Variants in GPR155 observed in about 807,000 individuals in gnomAD.
The protein encoded by GPR155 is lysosomal cholesterol signaling protein.
Under a neutral mutation model 93.1 loss-of-function variants are expected in GPR155, and 65 were observed. That is an observed-to-expected ratio of 0.70 (90% CI 0.57 to 0.86). GPR155 has a LOEUF of 0.86. Among genes scored for constraint, GPR155 ranks in the 40% least tolerant of loss-of-function variants. GPR155 has a pLI of 0.00. For missense variants in GPR155, 838 were observed against 1,034.8 expected, an observed-to-expected ratio of 0.81 and a Z score of 2.61; for synonymous variants, 319 against 360.1, an observed-to-expected ratio of 0.89 and a Z score of 1.29.
intron 3 of GPR155, 147 bp downstream of exon 3, chr2:174,472,818 A>G: frequency 1.6e-6 from 1 of 610,926 alleles, no homozygotes; most frequent in Non-Finnish European, 2.8e-6. Context: ...ACAATACACC[A>G]TCACATTTTC....
intron 7 of GPR155, 145 bp downstream of exon 7, chr2:174,465,640 G>T: frequency 1.9e-6 from 1 of 514,732 alleles, no homozygotes; most frequent in Non-Finnish European, 3.6e-6. Flanking sequence ...CTTTGCCGAT[G>T]GCCTCTGTGG....
intron 2 of GPR155, among the ~76,000 whole-genome samples, chr2:174,479,057 A>AT (rs2105737432): frequency 6.6e-6 from 1 of 152,316 alleles, no homozygotes; most frequent in South Asian, 2.1e-4. Context: ...TGTTATTGTG[A>AT]TTTAAAAAAA....
At chr2:174,481,359 C>G (rs1182578269) in intron 2 of GPR155, 138 bp downstream of exon 2, 6 of 577,300 alleles carry the variant, frequency 1.0e-5, no homozygotes, top group Non-Finnish European at 1.8e-5. Flanking sequence ...TTAGGAAAAA[C>G]TATGATTCAT....
At chr2:174,464,115 C>T (rs1002009252) in intron 7 of GPR155, among the ~76,000 whole-genome samples, 2 of 152,208 alleles carry the variant, frequency 1.3e-5, no homozygotes, top group Non-Finnish European at 1.5e-5. Context: ...CCCTGGATGT[C>T]TCACTGAAGC....
intron 15 of GPR155, 64 bp from the exon 16 acceptor site, chr2:174,436,480 G>A: frequency 7.0e-7 from 1 of 1,430,108 alleles, no homozygotes; most frequent in Non-Finnish European, 9.6e-7. Flanking sequence ...GCATGATAGA[G>A]GACAAGCAAG....
rs1686655692 is a variant in GPR155, at chr2:174,431,978, T to C, written c.*4138A>G. The C allele has an allele frequency of 6.6e-6, 1 of 152,230 alleles. No individual in the cohort carries two copies. Among genetic ancestry groups the C allele is most frequent in the Non-Finnish European group, 1.5e-5 (1 of 68,038 alleles). 9.4% of individuals were successfully genotyped at this position (152,230 alleles called of 1,614,324 possible). A position where few individuals can be genotyped will look rare whatever the true frequency, so the allele number is the denominator to read the frequency against. On this transcript the variant is annotated 3_prime_UTR_variant, in exon 16 of 16. Transcript: ENST00000392552. The stretch of plus-strand genomic sequence containing the variant: ...ATGCTGAAGAAAAAGAGATAGGTTT[T>C]AATCAAAATTTTATCATTTTTCTAG...
chr2:174,479,874 GT>G (rs1373521584), intron 2 of GPR155, among the ~76,000 whole-genome samples: 3 of 152,022 alleles, frequency 2.0e-5, no homozygotes, highest in African/African-American at 7.3e-5. Flanking sequence ...CACCTATCTA[GT>G]TTCTGACTAT....
In GPR155 at chr2:174,441,346, C is replaced by G. The variant is rs753928724; in HGVS notation, c.2174+773G>C. Among the ~76,000 whole-genome samples the G allele has an allele frequency of 1.3e-4, 19 of 151,676 alleles. No individual in the cohort carries two copies. The South Asian group carries it at 2.5e-3, about 20-fold the overall frequency. On this transcript the variant is annotated intron_variant, in intron 14 of 15. Coordinates refer to ENST00000392552, the MANE Select transcript of GPR155 (RefSeq NM_152529.7). ...AAAATACGTCCTAGTAAAAGTTTCA[C>G]CATACAAAGCCTAGGATAGGGGCAT...
At chr2:174,472,730 G>C (rs531601462) in intron 3 of GPR155, among the ~76,000 whole-genome samples, 4 of 152,270 alleles carry the variant, frequency 2.6e-5, no homozygotes, top group Non-Finnish European at 5.9e-5. Context: ...TGTAAAAGCT[G>C]AAGGGAAACC....
chr2:174,485,981 C>G (rs1688466516), intron 1 of GPR155, among the ~76,000 whole-genome samples: 1 of 152,208 alleles, frequency 6.6e-6, no homozygotes, highest in African/African-American at 2.4e-5. Flanking sequence ...AAACGAACCA[C>G]TGATACTGTA....
intron 4 of GPR155, among the ~76,000 whole-genome samples, chr2:174,469,915 A>G (rs576766359): frequency 2.6e-5 from 4 of 152,162 alleles, no homozygotes; most frequent in Non-Finnish European, 5.9e-5. Context: ...AGGCTGGAGT[A>G]CAGTGGTGCA....
chr2:174,484,449 C>T (rs1271626409), intron 1 of GPR155, among the ~76,000 whole-genome samples: 1 of 152,212 alleles, frequency 6.6e-6, no homozygotes, highest in Non-Finnish European at 1.5e-5. Context: ...ACTCATTCTG[C>T]TTATAAGCCC....
At chr2:174,475,294 C>CAAAAAAAAAAAA (rs71024809) in intron 2 of GPR155, among the ~76,000 whole-genome samples, 9 of 64,312 alleles carry the variant, frequency 1.4e-4, no homozygotes, top group East Asian at 5.2e-4. Flanking sequence ...GACTCCGTCT[C>CAAAAAAAAAAAA]AAAAAAAAAA....
At position 174,461,472 on chromosome 2, in the gene GPR155, C is replaced by A; in HGVS notation, c.1490G>T (p.Gly497Val). The stretch of plus-strand genomic sequence containing the variant: ...GTGTTTTCCAGTTATCAAAAGAACA[C>A]CAACAAGGAGAGCAGGAATTCTGTA... ...SGWGIPALLV[G>V]VLLITGKHNG... Residue 497 changes from glycine to valine, a missense_variant, in exon 9 of 16, where the codon GGT becomes GTT. This residue lies in a region of GPR155 where 663 missense variants were observed against 790.1 expected (regional missense o/e 0.84). Coordinates refer to ENST00000392552, the MANE Select transcript of GPR155 (RefSeq NM_152529.7). 1 of 1,612,794 alleles carries A rather than the reference C, an allele frequency of 6.2e-7. No individual in the cohort carries two copies. Among genetic ancestry groups the A allele is most frequent in the Non-Finnish European group, 8.5e-7 (1 of 1,178,988 alleles).
chr2:174,478,577 A>AAAAT (rs1688233063), intron 2 of GPR155, among the ~76,000 whole-genome samples: 1 of 152,250 alleles, frequency 6.6e-6, no homozygotes, highest in African/African-American at 2.4e-5. Flanking sequence ...ACATCATTTT[A>AAAAT]ATGTAATGTC....
chr2:174,475,824 G>T (rs888905689), intron 2 of GPR155, among the ~76,000 whole-genome samples: 1 of 151,966 alleles, frequency 6.6e-6, no homozygotes, highest in Non-Finnish European at 1.5e-5. Flanking sequence ...AGATATTTTC[G>T]AAAAGTCTTA....
chr2:174,472,877 G>A (rs1688035711), intron 3 of GPR155, 88 bp downstream of exon 3: 4 of 994,906 alleles, frequency 4.0e-6, no homozygotes, highest in Admixed American at 2.5e-5. Flanking sequence ...TATTCAAAGG[G>A]GAAAATGGTT....
At chr2:174,457,289 G>C (rs1038183505) in intron 10 of GPR155, among the ~76,000 whole-genome samples, 11 of 152,206 alleles carry the variant, frequency 7.2e-5, no homozygotes, top group African/African-American at 1.9e-4. Context: ...TCCAGCCTGA[G>C]AGACAGAGAA....
chr2:174,451,919 G>T (rs1368514080), intron 11 of GPR155, among the ~76,000 whole-genome samples: 2 of 152,162 alleles, frequency 1.3e-5, no homozygotes, highest in Non-Finnish European at 2.9e-5. Flanking sequence ...AAAGTGGTGG[G>T]ATTACAGGAG....
Sources: allele counts gnomAD v4.1 joint callset (sites outside exome capture counted in the v4.1 genomes callset), GRCh38; gene constraint gnomAD v4.1.1; regional missense constraint gnomAD v4.1.1; transcripts MANE v1.5; gene names NCBI Gene and HGNC (gene_info 2026-07-23, HGNC 2026-07-21).